The following NAV2 variants were observed in gnomAD, a reference collection of about 807,000 sequenced individuals.
NAV2 encodes neuron navigator 2.
A neutral mutation model predicts 223.2 loss-of-function variants in NAV2; 54 were observed. The observed-to-expected ratio is 0.24, with a 90% confidence interval of 0.19 to 0.30. NAV2 has a LOEUF of 0.30. Among genes scored for constraint, NAV2 ranks in the 10% least tolerant of loss-of-function variants. NAV2 has a pLI of 1.00. For synonymous variants in NAV2, 1,279 were observed against 1,239.3 expected (o/e 1.03, Z -0.67); for missense variants, 2,806 against 3,147.5 (o/e 0.89, Z 2.60).
chr11:19,636,694 T>A (rs2047512639), intron 1 of NAV2, among the ~76,000 whole-genome samples: 1 of 152,082 alleles, frequency 6.6e-6, no homozygotes, highest in South Asian at 2.1e-4. Flanking sequence ...ATGGTCTTGA[T>A]CTCCTGACCT....
chr11:19,986,971 G>A (rs182698938), intron 11 of NAV2, among the ~76,000 whole-genome samples: 264 of 152,318 alleles, frequency 1.7e-3, no homozygotes, highest in African/African-American at 6.0e-3. Context: ...GGCTATCATG[G>A]TGGTATAGGA....
chr11:19,451,936 GGT>G (rs1217151386), intron 1 of NAV2, among the ~76,000 whole-genome samples: 1 of 152,168 alleles, frequency 6.6e-6, no homozygotes, highest in East Asian at 1.9e-4. Flanking sequence ...ACCAAAGGTG[GGT>G]GTCTTTATCC....
At chr11:19,931,481 C>T (rs1316499083) in intron 6 of NAV2, among the ~76,000 whole-genome samples, 2 of 152,082 alleles carry the variant, frequency 1.3e-5, no homozygotes, top group African/African-American at 2.4e-5. Flanking sequence ...GGTGCTCACG[C>T]CCCACACAGG....
chr11:19,910,466 C>A (rs2043212296), intron 6 of NAV2, among the ~76,000 whole-genome samples: 1 of 152,080 alleles, frequency 6.6e-6, no homozygotes, highest in South Asian at 2.1e-4. Context: ...AGAATTGGAG[C>A]TTAAAGGAAG....
intron 1 of NAV2, among the ~76,000 whole-genome samples, chr11:19,630,989 A>T (rs1349068716): frequency 1.3e-5 from 2 of 151,324 alleles, no homozygotes; most frequent in African/African-American, 4.8e-5. Context: ...TTGGTAAAAC[A>T]CCAGTTTAAA....
At chr11:19,372,456 A>G (rs888990381) in intron 1 of NAV2, among the ~76,000 whole-genome samples, 5 of 152,194 alleles carry the variant, frequency 3.3e-5, no homozygotes, top group Non-Finnish European at 5.9e-5. Context: ...TATTTTCTTC[A>G]GATGGAGCTT....
chr11:19,418,592 C>T (rs561906805), intron 1 of NAV2, among the ~76,000 whole-genome samples: 18 of 152,214 alleles, frequency 1.2e-4, no homozygotes, highest in South Asian at 4.2e-4. Context: ...GGTAGGAGAG[C>T]GTAGGGGCAC....
At chr11:19,575,793 G>C (rs2045555584) in intron 1 of NAV2, among the ~76,000 whole-genome samples, 1 of 152,218 alleles carries the variant, frequency 6.6e-6, no homozygotes, top group African/African-American at 2.4e-5. Flanking sequence ...GACCTAGCAT[G>C]AGCTTTGGCA....
intron 35 of NAV2, among the ~76,000 whole-genome samples, 167 bp downstream of exon 35, chr11:20,105,894 T>G (rs1025896747): frequency 1.3e-5 from 2 of 151,712 alleles, no homozygotes; most frequent in African/African-American, 2.4e-5. Flanking sequence ...GACCCCAAAT[T>G]GCTAGTGGTC....
chr11:19,950,093 T>C (rs1473635283), intron 10 of NAV2, among the ~76,000 whole-genome samples: 2 of 152,196 alleles, frequency 1.3e-5, no homozygotes, highest in Non-Finnish European at 2.9e-5. Context: ...ACTTCTTCCT[T>C]CATCTGTTAA....
intron 1 of NAV2, among the ~76,000 whole-genome samples, chr11:19,681,560 A>G (rs1021728121): frequency 2.0e-5 from 3 of 152,204 alleles, no homozygotes; most frequent in African/African-American, 4.8e-5. Context: ...TGGTCTGCCT[A>G]AGTCCCTCTA....
intron 1 of NAV2, among the ~76,000 whole-genome samples, chr11:19,654,114 C>A (rs953324503): frequency 1.3e-5 from 2 of 152,152 alleles, no homozygotes; most frequent in South Asian, 2.1e-4. Flanking sequence ...AACAGAGAGC[C>A]AAATCATGAG....
intron 25 of NAV2, among the ~76,000 whole-genome samples, chr11:20,081,771 G>A (rs1020354940): frequency 2.6e-5 from 4 of 152,100 alleles, no homozygotes; most frequent in Non-Finnish European, 1.5e-5. Context: ...TTTTTCAGTG[G>A]CTAAGAAAAC....
chr11:19,746,288 A>G (rs2053332850), intron 1 of NAV2, among the ~76,000 whole-genome samples: 1 of 152,196 alleles, frequency 6.6e-6, no homozygotes, highest in Non-Finnish European at 1.5e-5. Context: ...GTGGAGCTCA[A>G]CATATTTGGG....
At chr11:19,460,833 T>C (rs1366709060) in intron 1 of NAV2, among the ~76,000 whole-genome samples, 1 of 152,158 alleles carries the variant, frequency 6.6e-6, no homozygotes, top group Non-Finnish European at 1.5e-5. Context: ...ATGAACTTCC[T>C]AGATAAGTAA....
chr11:19,527,219 A>G (rs1355775889), intron 1 of NAV2, among the ~76,000 whole-genome samples: 1 of 152,158 alleles, frequency 6.6e-6, no homozygotes. Flanking sequence ...AATAAGTCTC[A>G]CGAGATCTGA....
chr11:19,985,585 G>C (rs2050721734), intron 11 of NAV2, among the ~76,000 whole-genome samples: 1 of 151,166 alleles, frequency 6.6e-6, no homozygotes. Context: ...TTGTTTGTTT[G>C]TTTGTTTTTG....
chr11:19,517,860 A>G (rs747357510), intron 1 of NAV2, among the ~76,000 whole-genome samples: 13 of 152,248 alleles, frequency 8.5e-5, no homozygotes, highest in South Asian at 4.1e-4. Context: ...AAAACCAAGC[A>G]TGGACTGAGC....
At chr11:19,728,430 A>T (rs539370635) in intron 1 of NAV2, among the ~76,000 whole-genome samples, 1 of 152,296 alleles carries the variant, frequency 6.6e-6, no homozygotes, top group South Asian at 2.1e-4. Context: ...GGAGATTCTG[A>T]TGCACACCCT....
Sources: allele counts gnomAD v4.1 joint callset (sites outside exome capture counted in the v4.1 genomes callset), GRCh38; gene constraint gnomAD v4.1.1; transcripts MANE v1.5; gene names NCBI Gene and HGNC (gene_info 2026-07-23, HGNC 2026-07-21).